Variants in CCDC178 observed in about 807,000 individuals in gnomAD.
The protein encoded by CCDC178 is coiled-coil domain containing 178, also known as coiled-coil domain-containing protein 178.
A neutral mutation model predicts 117.4 loss-of-function variants in CCDC178; 126 were observed. That is an observed-to-expected ratio of 1.07 (90% CI 0.93 to 1.24). The LOEUF (loss-of-function observed/expected upper bound fraction) is 1.24. CCDC178 is among the 50% of genes most tolerant of loss of function. The pLI, the probability that CCDC178 is intolerant of heterozygous loss-of-function variation, is 0.00. For synonymous variants in CCDC178, 283 were observed against 313.4 expected, an observed-to-expected ratio of 0.90 and a Z score of 1.02; for missense variants, 1,030 against 986.9, an observed-to-expected ratio of 1.04 and a Z score of -0.59.
intron 21 of CCDC178, among the ~76,000 whole-genome samples, chr18:33,038,246 G>T (rs1483019606): frequency 1.3e-5 from 2 of 151,884 alleles, no homozygotes; most frequent in East Asian, 3.9e-4. Context: ...GAGAATTAAA[G>T]ACAGATTGGA....
Position 33,100,270 on chromosome 18 carries a change from G to A in CCDC178, c.2239-7360C>T, listed in dbSNP as rs548439607. Among the ~76,000 whole-genome samples, 17 of 151,900 alleles carry A rather than the reference G, an allele frequency of 1.1e-4. No individual in the cohort carries two copies. In the East Asian group the frequency reaches 2.7e-3, roughly 24 times the overall value. On this transcript the variant is annotated intron_variant, in intron 20 of 22. Transcript: ENST00000383096. ...TAATTTATGCATAAAGTTTACTAAC[G>A]GACATTATGACATTGCCTCTCAGAA...
chr18:33,209,947 CACAG>C (rs892599101), intron 20 of CCDC178, among the ~76,000 whole-genome samples: 3 of 151,892 alleles, frequency 2.0e-5, no homozygotes, highest in Non-Finnish European at 4.4e-5. Flanking sequence ...GAGAGACACA[CACAG>C]ACAGAGAGAG....
At chr18:33,286,093 C>T (rs2144846901) in intron 12 of CCDC178, among the ~76,000 whole-genome samples, 1 of 151,080 alleles carries the variant, frequency 6.6e-6, no homozygotes, top group South Asian at 2.1e-4. Flanking sequence ...CCTGCCTGAG[C>T]CTCCTGAGCA....
intron 7 of CCDC178, among the ~76,000 whole-genome samples, chr18:33,353,367 C>T (rs372029434): frequency 5.5e-4 from 83 of 152,150 alleles, no homozygotes; most frequent in African/African-American, 1.9e-3. Flanking sequence ...CATGCTCTAC[C>T]TTTCAATTGG....
chr18:33,211,584 ATCCT>A (rs1182104155), intron 20 of CCDC178, among the ~76,000 whole-genome samples: 4 of 151,572 alleles, frequency 2.6e-5, no homozygotes, highest in Non-Finnish European at 5.9e-5. Flanking sequence ...TCATTCTCAC[ATCCT>A]TCATTAAAAG....
intron 22 of CCDC178, among the ~76,000 whole-genome samples, chr18:32,966,267 T>A (rs1324980832): frequency 6.6e-6 from 1 of 151,732 alleles, no homozygotes; most frequent in Non-Finnish European, 1.5e-5. Context: ...TTGTGGGGCT[T>A]TTCTTGGATT....
At chr18:33,132,396 C>G (rs527567973) in intron 20 of CCDC178, among the ~76,000 whole-genome samples, 8 of 151,612 alleles carry the variant, frequency 5.3e-5, no homozygotes, top group Non-Finnish European at 1.2e-4. Flanking sequence ...TTAATTAAAC[C>G]GTCTTTAACT....
intron 20 of CCDC178, among the ~76,000 whole-genome samples, chr18:33,168,703 C>A (rs961773817): frequency 2.0e-5 from 3 of 152,062 alleles, no homozygotes; most frequent in African/African-American, 7.2e-5. Context: ...TGTGTTTAAC[C>A]CGAACTTACT....
chr18:33,145,026 T>G (rs894455939), intron 20 of CCDC178, among the ~76,000 whole-genome samples: 5 of 152,202 alleles, frequency 3.3e-5, no homozygotes, highest in African/African-American at 1.2e-4. Flanking sequence ...ACATCCATAG[T>G]CTTCCTCCTA....
chr18:33,039,386 A>G (rs2056504312), intron 21 of CCDC178, among the ~76,000 whole-genome samples: 1 of 152,028 alleles, frequency 6.6e-6, no homozygotes, highest in Non-Finnish European at 1.5e-5. Flanking sequence ...CAGTGAAATC[A>G]GGAGATAGAA....
At chr18:33,013,267 T>C (rs763858057) in intron 21 of CCDC178, among the ~76,000 whole-genome samples, 1 of 152,150 alleles carries the variant, frequency 6.6e-6, no homozygotes, top group East Asian at 1.9e-4. Flanking sequence ...CTAACTTTAG[T>C]TCCTTAATCA....
At chr18:33,306,714 G>A (rs11081798) in intron 11 of CCDC178, among the ~76,000 whole-genome samples, 137,636 of 151,264 alleles carry the variant, frequency 0.91, 62,761 homozygotes, top group East Asian at 1. Flanking sequence ...AATTCATGTG[G>A]ACTTAGTAAT....
chr18:33,098,591 T>C (rs1000040892), intron 20 of CCDC178, among the ~76,000 whole-genome samples: 1 of 152,054 alleles, frequency 6.6e-6, no homozygotes, highest in Non-Finnish European at 1.5e-5. Context: ...ACCACATCCA[T>C]ATTCTTGCAT....
chr18:33,391,867 T>A (rs555168897), intron 4 of CCDC178, among the ~76,000 whole-genome samples: 4 of 151,774 alleles, frequency 2.6e-5, no homozygotes, highest in Non-Finnish European at 5.9e-5. Flanking sequence ...AACAAATAAT[T>A]CTTTTTTTTT....
chr18:33,251,798 T>A (rs1467739399), intron 14 of CCDC178, among the ~76,000 whole-genome samples: 1 of 151,704 alleles, frequency 6.6e-6, no homozygotes, highest in Admixed American at 6.6e-5. Flanking sequence ...CAAACCAGGA[T>A]CCACCCTGTG....
At chr18:32,980,834 G>A (rs2055141120) in intron 21 of CCDC178, among the ~76,000 whole-genome samples, 2 of 152,236 alleles carry the variant, frequency 1.3e-5, no homozygotes, top group East Asian at 1.9e-4. Flanking sequence ...CTCATATGCT[G>A]TTCAAATTTG....
At chr18:33,037,261 C>A (rs1420152462) in intron 21 of CCDC178, among the ~76,000 whole-genome samples, 1 of 151,914 alleles carries the variant, frequency 6.6e-6, no homozygotes, top group Admixed American at 6.6e-5. Context: ...CAAATAGTCC[C>A]AGATCTAACA....
chr18:33,111,746 G>A (rs1209371931), intron 20 of CCDC178, among the ~76,000 whole-genome samples: 1 of 151,660 alleles, frequency 6.6e-6, no homozygotes, highest in East Asian at 1.9e-4. Context: ...CTCCATTCAT[G>A]AGAATAATAA....
intron 10 of CCDC178, among the ~76,000 whole-genome samples, chr18:33,329,888 T>A (rs1487549493): frequency 6.7e-6 from 1 of 148,870 alleles, no homozygotes; most frequent in African/African-American, 2.5e-5. Flanking sequence ...TGTGTGTGTG[T>A]GTGTGTGTGT....
Sources: allele counts gnomAD v4.1 joint callset (sites outside exome capture counted in the v4.1 genomes callset), GRCh38; gene constraint gnomAD v4.1.1; transcripts MANE v1.5; gene names NCBI Gene and HGNC (gene_info 2026-07-23, HGNC 2026-07-21).